DCUN1D4: variants seen among roughly 807,000 people sequenced by gnomAD.
DCUN1D4 encodes the protein defective in cullin neddylation 1 domain containing 4.
Under a neutral mutation model 47.9 loss-of-function variants are expected in DCUN1D4, and 22 were observed. The ratio of observed to expected loss-of-function variants is 0.46; its 90% CI spans 0.33 to 0.66. DCUN1D4 has a LOEUF of 0.66. Ranked by LOEUF, DCUN1D4 falls within the 30% of genes least tolerant of loss-of-function variation. The pLI is 0.02. For missense variants in DCUN1D4, 301 were observed against 340.8 expected (o/e 0.88, Z 0.92); for synonymous variants, 121 against 112.2 (o/e 1.08, Z -0.50).
chr4:51,834,439 G>T, the DCUN1D4 span, among the ~76,000 whole-genome samples: 1 of 151,846 alleles, frequency 6.6e-6, no homozygotes, highest in Admixed American at 6.6e-5. Flanking sequence ...TCCATTTCAT[G>T]ATGCTGAAAG....
At chr4:51,858,327 C>T (rs1035214401) in intron 1 of DCUN1D4, among the ~76,000 whole-genome samples, 12 of 151,926 alleles carry the variant, frequency 7.9e-5, no homozygotes, top group African/African-American at 2.7e-4. Flanking sequence ...GAGAACAGCA[C>T]GTGCAAAGGC....
chr4:51,848,599 T>A (rs1722907679), intron 1 of DCUN1D4, among the ~76,000 whole-genome samples: 1 of 152,234 alleles, frequency 6.6e-6, no homozygotes, highest in Non-Finnish European at 1.5e-5. Context: ...GCTTGCTTTT[T>A]TTCTTTTGAA....
At chr4:51,899,541 A>T (rs1731781494) in intron 8 of DCUN1D4, among the ~76,000 whole-genome samples, 163 bp downstream of exon 8, 1 of 152,188 alleles carries the variant, frequency 6.6e-6, no homozygotes, top group Non-Finnish European at 1.5e-5. Flanking sequence ...TTGAAAACTA[A>T]GTTTGATTCT....
At chr4:51,864,117 A>G (rs551051660) in intron 3 of DCUN1D4, among the ~76,000 whole-genome samples, 11 of 152,358 alleles carry the variant, frequency 7.2e-5, no homozygotes, top group African/African-American at 2.6e-4. Context: ...AAATCAGAAA[A>G]TTGAAGCTTG....
chr4:51,839,499 A>C (rs905020901), upstream of DCUN1D4, among the ~76,000 whole-genome samples: 1 of 152,210 alleles, frequency 6.6e-6, no homozygotes. Context: ...AGCATTAAGA[A>C]AGAAGTTGTT....
intron 3 of DCUN1D4, among the ~76,000 whole-genome samples, chr4:51,867,495 T>C (rs564124986): frequency 1.8e-4 from 27 of 152,286 alleles, no homozygotes; most frequent in Non-Finnish European, 3.1e-4. Context: ...AGGAGCTTCA[T>C]TGAGTGGCAG....
At chr4:51,903,630 A>T (rs1732442634) in intron 8 of DCUN1D4, among the ~76,000 whole-genome samples, 2 of 152,166 alleles carry the variant, frequency 1.3e-5, no homozygotes, top group Admixed American at 6.5e-5. Context: ...CAACTATGTT[A>T]GGTTGCTTGA....
chr4:51,859,299 T>C (rs915243031), intron 1 of DCUN1D4, among the ~76,000 whole-genome samples: 27 of 152,192 alleles, frequency 1.8e-4, no homozygotes, highest in African/African-American at 6.5e-4. Context: ...TATTCCTATA[T>C]GTATTGTTGC....
intron 1 of DCUN1D4, among the ~76,000 whole-genome samples, chr4:51,855,111 C>G (rs1723929765): frequency 6.6e-6 from 1 of 152,084 alleles, no homozygotes; most frequent in South Asian, 2.1e-4. Context: ...GTGACAAAGA[C>G]ATAAATAAAT....
At chr4:51,853,010 T>C (rs1723592296) in intron 1 of DCUN1D4, among the ~76,000 whole-genome samples, 1 of 152,202 alleles carries the variant, frequency 6.6e-6, no homozygotes, top group South Asian at 2.1e-4. Context: ...AGATCATTTG[T>C]GCTCACCTTC....
chr4:51,869,088 C>T (rs2109944710), intron 3 of DCUN1D4, among the ~76,000 whole-genome samples: 1 of 126,424 alleles, frequency 7.9e-6, no homozygotes, highest in Middle Eastern at 5.4e-3. Flanking sequence ...CATGCCACTG[C>T]ACTGTAGCCT....
intron 7 of DCUN1D4, among the ~76,000 whole-genome samples, chr4:51,895,675 T>C (rs753210065): frequency 1.0e-4 from 15 of 150,410 alleles, no homozygotes; most frequent in Non-Finnish European, 1.9e-4. Context: ...TCCTGGGTAA[T>C]AGGGGAAAGC....
intron 5 of DCUN1D4, among the ~76,000 whole-genome samples, chr4:51,882,634 G>A (rs896386342): frequency 2.0e-5 from 3 of 152,114 alleles, no homozygotes; most frequent in African/African-American, 7.2e-5. Context: ...GGGCGTGGTG[G>A]CGGGCACCTG....
intron 1 of DCUN1D4, chr4:51,860,620 G>A (rs1336359430): frequency 4.4e-6 from 2 of 455,536 alleles, no homozygotes; most frequent in South Asian, 3.1e-5. Flanking sequence ...TGAATGGAGA[G>A]CAGGCACACC....
At chr4:51,865,045 A>G (rs889567054) in intron 3 of DCUN1D4, 1 of 223,468 alleles carries the variant, frequency 4.5e-6, no homozygotes, top group African/African-American at 2.3e-5. Flanking sequence ...TTCTTAGCAT[A>G]AGTTTTAATT....
chr4:51,887,061 T>G, intron 6 of DCUN1D4: 7 of 453,300 alleles, frequency 1.5e-5, no homozygotes, highest in South Asian at 1.1e-4. Flanking sequence ...TCAAGAATTT[T>G]TCATAGATCG....
At chr4:51,836,131 T>C in the DCUN1D4 span, among the ~76,000 whole-genome samples, 1 of 152,188 alleles carries the variant, frequency 6.6e-6, no homozygotes, top group African/African-American at 2.4e-5. Context: ...CCATGGATTG[T>C]TCCCTAAAGC....
intron 6 of DCUN1D4, 71 bp downstream of exon 6, chr4:51,886,709 A>C: frequency 8.2e-7 from 1 of 1,224,082 alleles, no homozygotes; most frequent in East Asian, 2.4e-5. Context: ...TTCTTTAGCA[A>C]ATAAATAAAT....
intron 5 of DCUN1D4, among the ~76,000 whole-genome samples, chr4:51,884,676 G>A (rs1468052013): frequency 2.6e-5 from 4 of 152,214 alleles, no homozygotes; most frequent in African/African-American, 9.6e-5. Flanking sequence ...AGTTTAGAGG[G>A]AAAGACAGAT....
Sources: allele counts gnomAD v4.1 joint callset (sites outside exome capture counted in the v4.1 genomes callset), GRCh38; gene constraint gnomAD v4.1.1; transcripts MANE v1.5; gene names NCBI Gene and HGNC (gene_info 2026-07-23, HGNC 2026-07-21).